Variants in GCN1 observed in about 807,000 individuals in gnomAD.
GCN1 encodes the protein stalled ribosome sensor GCN1.
Under a neutral mutation model 288.4 loss-of-function variants are expected in GCN1, and 90 were observed. The ratio of observed to expected loss-of-function variants is 0.31; its 90% CI spans 0.26 to 0.37. The LOEUF (loss-of-function observed/expected upper bound fraction) is 0.37, where lower values mean the gene tolerates loss of function less well. Ranked by LOEUF, GCN1 falls within the 10% of genes least tolerant of loss-of-function variation. GCN1 has a pLI of 1.00. For missense variants in GCN1, 2,586 were observed against 3,419.9 expected (o/e 0.76, Z 6.08); for synonymous variants, 1,386 against 1,420.2 (o/e 0.98, Z 0.54).
chr12:120,180,208 GGCAGGAGAATTGCTTGAAC>G (rs1233662924), intron 5 of GCN1, among the ~76,000 whole-genome samples: 18 of 152,206 alleles, frequency 1.2e-4, no homozygotes, highest in East Asian at 9.7e-4. Context: ...GGGAGGCTGA[GGCAGGAGAATTGCTTGAAC>G]GCAGGAGAAT....
Position 120,175,304 on chromosome 12 carries a change from G to A in GCN1, c.1043-92C>T, listed in dbSNP as rs1269178365. 12 of 1,155,146 alleles carry A rather than the reference G, an allele frequency of 1.0e-5. No homozygotes were observed. In the Admixed American group the frequency reaches 1.0e-4, roughly 10 times the overall value. The allele number at this position is 1,155,146 out of a possible 1,614,324, so 71.6% of individuals were successfully genotyped here. ...AGTCACGTGTGTGATGCCACGATAC[G>A]GTTTCTGATTCCAGAAGTAGCCTTT... On this transcript the variant is annotated intron_variant, in intron 11 of 57. Coordinates refer to ENST00000300648, the MANE Select transcript of GCN1 (RefSeq NM_006836.2).
intron 38 of GCN1, among the ~76,000 whole-genome samples, chr12:120,146,424 G>A (rs987308826): frequency 5.3e-5 from 8 of 151,778 alleles, no homozygotes; most frequent in Non-Finnish European, 7.4e-5. Flanking sequence ...TTATCACGGC[G>A]GTATTATCAC....
chr12:120,177,405 C>T lies in GCN1; in HGVS notation c.838+42G>A, dbSNP rs748619273. On this transcript the variant is annotated intron_variant, in intron 9 of 57. Transcript: ENST00000300648. ...CAAATATCGAGAATAGAGATATAGG[C>T]AACTCATCTCCCTCCCACCATCCTG... The T allele has an allele frequency of 1.0e-5, 10 of 958,846 alleles. No homozygotes were observed. In the South Asian group the frequency reaches 1.2e-4, roughly 11 times the overall value. 59.4% of individuals were successfully genotyped at this position (958,846 alleles called of 1,614,324 possible). A position where few individuals can be genotyped will look rare whatever the true frequency, so the allele number is the denominator to read the frequency against.
At chr12:120,130,552 A>ACTAGTTGTGTG in intron 56 of GCN1, 94 bp downstream of exon 56, 1 of 811,148 alleles carries the variant, frequency 1.2e-6, no homozygotes, top group Non-Finnish European at 2.2e-6. Context: ...CTAGCACACA[A>ACTAGTTGTGTG]CTAGTTGAGG....
intron 5 of GCN1, among the ~76,000 whole-genome samples, 186 bp from the exon 6 acceptor site, chr12:120,179,136 C>T (rs1485767666): frequency 2.0e-5 from 3 of 152,228 alleles, no homozygotes; most frequent in Admixed American, 6.5e-5. Context: ...TGTCCTTTAA[C>T]GACACTGTTC....
At position 120,173,577 on chromosome 12, in the gene GCN1, G is replaced by A. The variant is rs960505608; in HGVS notation, c.1366+76C>T. The A allele has an allele frequency of 2.9e-5, 24 of 821,774 alleles. No individual in the cohort carries two copies. The African/African-American group carries it at 3.6e-4, about 12-fold the overall frequency. The allele number at this position is 821,774 out of a possible 1,614,324, so 50.9% of individuals were successfully genotyped here. A position where few individuals can be genotyped will look rare whatever the true frequency, so the allele number is the denominator to read the frequency against. On this transcript the variant is annotated intron_variant, in intron 14 of 57. Coordinates refer to ENST00000300648, the MANE Select transcript of GCN1 (RefSeq NM_006836.2). The stretch of plus-strand genomic sequence containing the variant: ...ATAAGCTGAACTAACAGGGAAAGCG[G>A]GAACACTAACAATACCCTAAAGACT...
At chr12:120,177,966 T>C (rs1235624355) in intron 7 of GCN1, among the ~76,000 whole-genome samples, 1 of 152,164 alleles carries the variant, frequency 6.6e-6, no homozygotes, top group Non-Finnish European at 1.5e-5. Flanking sequence ...GTCCTTCGTA[T>C]GGCTTATAAG....
chr12:120,146,485 C>T (rs1176559821), intron 38 of GCN1, among the ~76,000 whole-genome samples: 1 of 152,078 alleles, frequency 6.6e-6, no homozygotes, highest in Non-Finnish European at 1.5e-5. Context: ...CCCATTTCAG[C>T]ATCCCAAAGT....
rs1877696577 is a variant in GCN1 at position 120,155,069 on chromosome 12, G to C, written c.3631-29C>G. On this transcript the variant is annotated intron_variant, in intron 30 of 57. Transcript: ENST00000300648. This position sits in a 1 kb window ranked among gnomAD's most constrained non-coding sequence, Gnocchi z 4.9. ...CAACAGACAAGTTGGTAAATGCTTT[G>C]CAACGGGCAGATCAATGACCTGGGC... The C allele has an allele frequency of 6.3e-7, 1 of 1,597,354 alleles. No individual in the cohort carries two copies. The highest frequency in any genetic ancestry group is 1.3e-5 in the African/African-American group (1 of 74,752).
intron 21 of GCN1, 102 bp downstream of exon 21, chr12:120,161,778 G>C: frequency 8.6e-7 from 1 of 1,165,716 alleles, no homozygotes; most frequent in Non-Finnish European, 1.3e-6. Context: ...TGAATGGATA[G>C]GCTGTTGCAT....
Position 120,156,903 on chromosome 12 carries a change from C to G in GCN1, c.3168+9G>C. The G allele has an allele frequency of 1.3e-6, 2 of 1,591,906 alleles. No homozygotes were observed. The highest frequency in any genetic ancestry group is 2.2e-5 in the South Asian group (2 of 90,648). ...AGTCACAGCAACAGCCAACTGAAAACCACATCACCTGTAAGCGAGGCGAGC... is the reference window on the plus strand; with the variant it reads ...AGTCACAGCAACAGCCAACTGAAAAGCACATCACCTGTAAGCGAGGCGAGC... On this transcript the variant is annotated intron_variant, in intron 27 of 57. Transcript: ENST00000300648. The surrounding 1 kb of genome is among the most constrained non-coding windows in gnomAD (Gnocchi z 5.8).
At chr12:120,161,611 A>G (rs1566309675) in intron 21 of GCN1, 28 bp from the exon 22 acceptor site, 6 of 1,531,570 alleles carry the variant, frequency 3.9e-6, no homozygotes, top group Non-Finnish European at 5.4e-6. Context: ...GTCATCAGCC[A>G]GCTTGAAAAG....
chr12:120,169,119 C>A (rs1288548954), intron 15 of GCN1, among the ~76,000 whole-genome samples: 2 of 152,016 alleles, frequency 1.3e-5, no homozygotes, highest in South Asian at 4.1e-4. Context: ...CACGATGAAA[C>A]CCTGTCTCTA....
chr12:120,142,482 C>A lies in GCN1; in HGVS notation c.5829+25G>T. 1 of 1,592,596 alleles carries A rather than the reference C, an allele frequency of 6.3e-7. No individual in the cohort carries two copies. Among genetic ancestry groups the A allele is most frequent in the South Asian group, 1.1e-5 (1 of 90,570 alleles). The stretch of plus-strand genomic sequence containing the variant: ...GAAAGGAGGCACTGGGGCTGCTGGT[C>A]CAAAACAAGGCCCAGGAAACTCACC... On this transcript the variant is annotated intron_variant, in intron 44 of 57. Transcript: ENST00000300648. This position sits in a 1 kb window ranked among gnomAD's most constrained non-coding sequence, Gnocchi z 4.9.
rs756907183 is a variant in GCN1 at position 120,137,715 on chromosome 12, C to A, written c.6493G>T (p.Val2165Leu). ...ATGGCAGCAGCTTGCCTCATGCCCA[C>A]CTCAGGGCTGCGGGTGGCCTCCAGC... ...DLLEATRSPEVGMRQAAAIIL... is the reference protein window; with the variant it reads ...DLLEATRSPELGMRQAAAIIL... Residue 2165 changes from valine (V) to leucine (L), a missense_variant, in exon 49 of 58, where the codon GTG (valine) becomes TTG (leucine). Val to Leu is a conservative substitution (Grantham distance 32). This residue lies in a region of GCN1 where 437 missense variants were observed against 570.5 expected (regional missense o/e 0.77). Coordinates refer to ENST00000300648, the MANE Select transcript of GCN1 (RefSeq NM_006836.2). The surrounding 1 kb of genome is among the most constrained non-coding windows in gnomAD (Gnocchi z 5.2). 9 of 1,614,166 alleles carry A rather than the reference C, an allele frequency of 5.6e-6. 1 individual carries two copies. In the South Asian group the frequency reaches 8.8e-5, roughly 16 times the overall value.
Position 120,142,764 on chromosome 12 carries a change from T to G in GCN1, c.5614-42A>C, listed in dbSNP as rs761073758. On this transcript the variant is annotated intron_variant, in intron 43 of 57. Coordinates refer to ENST00000300648, the MANE Select transcript of GCN1 (RefSeq NM_006836.2). The surrounding 1 kb of genome is among the most constrained non-coding windows in gnomAD (Gnocchi z 4.9). ...GGGACAGAGAGTAGTGAAGCCTCTA[T>G]GGCATGGGCATCAGGGCACACCCTA... The G allele has an allele frequency of 7.5e-6, 12 of 1,605,038 alleles. No homozygotes were observed. Among genetic ancestry groups the G allele is most frequent in the Middle Eastern group, 1.6e-4 (1 of 6,072 alleles).
At chr12:120,181,889 G>C (rs1017614912) in intron 5 of GCN1, among the ~76,000 whole-genome samples, 2 of 148,648 alleles carry the variant, frequency 1.3e-5, no homozygotes, top group Non-Finnish European at 3.0e-5. Flanking sequence ...GCTCATACCT[G>C]TAATCCCTGC....
intron 26 of GCN1, 111 bp downstream of exon 26, chr12:120,157,738 A>G: frequency 1.1e-6 from 1 of 894,094 alleles, no homozygotes; most frequent in East Asian, 2.6e-5. Context: ...TGGTATAAAC[A>G]TACACTCTCT....
At chr12:120,163,028 C>T in intron 19 of GCN1, 42 bp downstream of exon 19, 1 of 1,613,454 alleles carries the variant, frequency 6.2e-7, no homozygotes, top group Non-Finnish European at 8.5e-7. Flanking sequence ...TACCCCATCC[C>T]CTAAAGCTCT....
Sources: allele counts gnomAD v4.1 joint callset (sites outside exome capture counted in the v4.1 genomes callset), GRCh38; gene constraint gnomAD v4.1.1; regional missense constraint gnomAD v4.1.1; non-coding constraint Gnocchi (gnomAD v3.1); transcripts MANE v1.5; gene names NCBI Gene and HGNC (gene_info 2026-07-23, HGNC 2026-07-21).